TLK1: variants seen among roughly 807,000 people sequenced by gnomAD.
The protein encoded by TLK1 is serine/threonine-protein kinase tousled-like 1.
TLK1 carries 24 observed loss-of-function variants against 105.3 expected under a neutral mutation model. The observed-to-expected ratio is 0.23, with a 90% CI of 0.17 to 0.32. The LOEUF (loss-of-function observed/expected upper bound fraction) is 0.32, where lower values mean the gene tolerates loss of function less well. Among genes scored for constraint, TLK1 ranks in the 10% least tolerant of loss-of-function variants. TLK1 has a pLI of 1.00. For missense variants in TLK1, 558 were observed against 910.5 expected (o/e 0.61, Z 4.98); for synonymous variants, 321 against 310.4 (o/e 1.03, Z -0.36).
intron 3 of TLK1, among the ~76,000 whole-genome samples, chr2:171,073,334 A>G (rs1001515297): frequency 6.6e-6 from 1 of 152,158 alleles, no homozygotes; most frequent in Non-Finnish European, 1.5e-5. Flanking sequence ...AACCACATCG[A>G]ATATACTTTT....
At chr2:171,038,670 G>C (rs1233535875) in intron 11 of TLK1, among the ~76,000 whole-genome samples, 1 of 152,102 alleles carries the variant, frequency 6.6e-6, no homozygotes, top group Non-Finnish European at 1.5e-5. Flanking sequence ...TCATCCTGGA[G>C]TTCTACCAAT....
Position 171,053,778 on chromosome 2 carries a change from T to C in TLK1, c.715A>G (p.Ile239Val). 1.9e-6 allele frequency: 3 copies of C among 1,609,122 alleles called. No individual in the cohort carries two copies. The highest frequency in any genetic ancestry group is 2.5e-6 in the Non-Finnish European group (3 of 1,177,724). ...TTACTTACCCTGAGCAAATCATCTA[T>C]ACGTCCCTCCTTCTTTTCCAGGTCC... Reference protein sequence around the residue: ...IQDLEKKEGRIDDLLRANCDL... With the variant: ...IQDLEKKEGRVDDLLRANCDL... Residue 239 changes from isoleucine to valine, a missense_variant, in exon 8 of 21, where the codon ATA becomes GTA. By Grantham distance (29) the Ile-to-Val change is conservative. Around this residue, in one of 5 missense-constraint regions of TLK1, gnomAD observed 196 missense variants for 239.3 expected, o/e 0.82. Coordinates refer to ENST00000431350, the MANE Select transcript of TLK1 (RefSeq NM_012290.5).
intron 1 of TLK1, among the ~76,000 whole-genome samples, chr2:171,210,054 C>T (rs1693584111): frequency 6.6e-6 from 1 of 152,044 alleles, no homozygotes; most frequent in African/African-American, 2.4e-5. Flanking sequence ...AATACAGTGT[C>T]ATGTCTTCAT....
intron 3 of TLK1, among the ~76,000 whole-genome samples, chr2:171,065,170 A>G (rs570450953): frequency 6.6e-6 from 1 of 152,310 alleles, no homozygotes; most frequent in African/African-American, 2.4e-5. Context: ...TATAAGCCTC[A>G]AACTAGAGAG....
At position 171,028,396 on chromosome 2, in the gene TLK1, C is replaced by T. The variant is rs777950905; in HGVS notation, c.1179G>A (p.Leu393=). 2 of 1,606,034 alleles carry T rather than the reference C, an allele frequency of 1.2e-6. No individual in the cohort carries two copies. Among genetic ancestry groups the T allele is most frequent in the Non-Finnish European group, 1.7e-6 (2 of 1,174,102 alleles). The change falls in exon 12 of 21, where the codon TTG becomes TTA. Residue 393 remains leucine, a synonymous_variant. Coordinates refer to ENST00000431350, the MANE Select transcript of TLK1 (RefSeq NM_012290.5). ...VRPNLPQLLT[L]AEYHEQEEIF... is the part of the protein sequence containing the mutation. ...TTTCTTCCTGTTCATGATATTCTGC[C>T]AAAGTCAACCTGTCAAAAATGAAAT...
chr2:171,226,383 C>T (rs1693896811), intron 1 of TLK1, among the ~76,000 whole-genome samples: 1 of 152,074 alleles, frequency 6.6e-6, no homozygotes, highest in Non-Finnish European at 1.5e-5. Flanking sequence ...GGCCAAATTT[C>T]CTAAAAGGCA....
intron 3 of TLK1, among the ~76,000 whole-genome samples, chr2:171,079,479 C>T (rs936594025): frequency 6.6e-6 from 1 of 152,142 alleles, no homozygotes; most frequent in African/African-American, 2.4e-5. Context: ...TCTTTATATT[C>T]TCTGTGATTG....
At chr2:171,228,341 G>C (rs936247957) in intron 1 of TLK1, among the ~76,000 whole-genome samples, 1 of 152,142 alleles carries the variant, frequency 6.6e-6, no homozygotes, top group Non-Finnish European at 1.5e-5. Context: ...ATCACCTAAG[G>C]CTAGGAATTA....
Position 171,042,591 on chromosome 2 carries a change from CCAAA to C in TLK1, c.1169+3579_1169+3582del, listed in dbSNP as rs1318929284. 3.3e-5 allele frequency among the ~76,000 whole-genome samples: 5 copies of C among 152,040 alleles called. No homozygotes were observed. The South Asian group carries it at 8.3e-4, about 25-fold the overall frequency. On this transcript the variant is annotated intron_variant, in intron 11 of 20. Transcript: ENST00000431350. ...TTTAGTATTGACCACTTTCCATACACCAAACACTGTGCTAGGCATTGGGACTACA... is the reference window on the plus strand; with the variant it reads ...TTTAGTATTGACCACTTTCCATACACCACTGTGCTAGGCATTGGGACTACA...
At chr2:171,034,559 T>C (rs796224019) in intron 11 of TLK1, among the ~76,000 whole-genome samples, 9 of 152,170 alleles carry the variant, frequency 5.9e-5, no homozygotes, top group African/African-American at 2.2e-4. Flanking sequence ...AGAAAACCGA[T>C]TATTTGCTAC....
intron 2 of TLK1, among the ~76,000 whole-genome samples, chr2:171,093,424 G>A (rs1689321980): frequency 6.6e-6 from 1 of 152,144 alleles, no homozygotes; most frequent in Non-Finnish European, 1.5e-5. Context: ...CATTCAAAGA[G>A]TGATGCATCT....
intron 1 of TLK1, among the ~76,000 whole-genome samples, chr2:171,200,921 G>C (rs2105319899): frequency 7.0e-6 from 1 of 142,886 alleles, no homozygotes; most frequent in East Asian, 2.1e-4. Context: ...TCTCTCTGTA[G>C]CCCAGGCTGG....
chr2:171,116,538 A>G (rs1485548664), intron 2 of TLK1, among the ~76,000 whole-genome samples: 1 of 151,984 alleles, frequency 6.6e-6, no homozygotes, highest in African/African-American at 2.4e-5. Context: ...CGTCTCTACT[A>G]AAAATACAAA....
At chr2:171,099,416 T>C (rs1689595590) in intron 2 of TLK1, among the ~76,000 whole-genome samples, 1 of 152,200 alleles carries the variant, frequency 6.6e-6, no homozygotes, top group South Asian at 2.1e-4. Flanking sequence ...TTAATGTTAT[T>C]AGGATGGCAA....
intron 11 of TLK1, among the ~76,000 whole-genome samples, chr2:171,032,204 A>G (rs542516304): frequency 2.6e-5 from 4 of 152,360 alleles, no homozygotes; most frequent in African/African-American, 9.6e-5. Flanking sequence ...GTCTACTTTC[A>G]TGATTGCTAA....
chr2:171,059,011 T>C (rs949533997), intron 4 of TLK1, among the ~76,000 whole-genome samples: 7 of 152,226 alleles, frequency 4.6e-5, no homozygotes, highest in Non-Finnish European at 8.8e-5. Context: ...TGCCAGGCAT[T>C]ACTAAGATGA....
At chr2:171,170,298 G>T (rs1320703704) in intron 1 of TLK1, among the ~76,000 whole-genome samples, 2 of 152,104 alleles carry the variant, frequency 1.3e-5, no homozygotes, top group Non-Finnish European at 2.9e-5. Flanking sequence ...AAGCTTAAAG[G>T]TTATTTTGAT....
intron 5 of TLK1, among the ~76,000 whole-genome samples, chr2:171,056,775 T>G (rs1223879756): frequency 6.6e-6 from 1 of 151,866 alleles, no homozygotes; most frequent in Non-Finnish European, 1.5e-5. Flanking sequence ...CGAGACTGTT[T>G]TATAAAGATC....
At chr2:171,069,539 G>T (rs1688156792) in intron 3 of TLK1, among the ~76,000 whole-genome samples, 1 of 152,208 alleles carries the variant, frequency 6.6e-6, no homozygotes, top group East Asian at 1.9e-4. Flanking sequence ...CAGAGGCAGA[G>T]ATGCTGCTAA....
Sources: gnomAD v4.1 joint callset for allele counts (sites outside exome capture counted in the v4.1 genomes callset) on GRCh38, gnomAD v4.1.1 for gene constraint, gnomAD v4.1.1 regional missense constraint, MANE v1.5 for transcripts, NCBI Gene and HGNC (gene_info 2026-07-23, HGNC 2026-07-21) for gene names.